The following TMPRSS5 variants were observed in gnomAD, a reference collection of about 807,000 sequenced individuals.
TMPRSS5 encodes the protein transmembrane protease serine 5.
In TMPRSS5, 45 loss-of-function variants were observed where a neutral mutation model predicts 59.7. The ratio of observed to expected loss-of-function variants is 0.75; its 90% CI spans 0.59 to 0.97. The LOEUF (loss-of-function observed/expected upper bound fraction) is 0.97, where lower values mean the gene tolerates loss of function less well. Among genes scored for constraint, TMPRSS5 ranks in the 50% least tolerant of loss-of-function variants. The probability of loss-of-function intolerance (pLI) is 0.00; values close to 1 mark genes in which losing one functional copy is unlikely to be tolerated. For synonymous variants in TMPRSS5, 225 were observed against 232.0 expected (o/e 0.97, Z 0.27); for missense variants, 585 against 596.7 (o/e 0.98, Z 0.20).
At chr11:113,702,007 T>C (rs902274989) in intron 1 of TMPRSS5, among the ~76,000 whole-genome samples, 1 of 152,094 alleles carries the variant, frequency 6.6e-6, no homozygotes, top group Admixed American at 6.6e-5. Flanking sequence ...CCCATGTCCA[T>C]GTATTCTCAC....
intron 8 of TMPRSS5, 113 bp from the exon 9 acceptor site, chr11:113,693,362 GC>G (rs1952840348): frequency 8.2e-7 from 1 of 1,223,064 alleles, no homozygotes; most frequent in Admixed American, 3.0e-5. Context: ...GGGGCCGTCA[GC>G]AGGCGGTGAG....
At chr11:113,692,817 T>C (rs1420256896) in intron 9 of TMPRSS5, among the ~76,000 whole-genome samples, 1 of 152,138 alleles carries the variant, frequency 6.6e-6, no homozygotes, top group African/African-American at 2.4e-5. Flanking sequence ...GCTTCAGACC[T>C]CAAGGCAAAG....
rs1173726664 is a variant in TMPRSS5, at chr11:113,706,265, G to A, written c.-41C>T. The A allele has an allele frequency of 6.3e-7, 1 of 1,596,824 alleles. No homozygotes were observed. The highest frequency in any genetic ancestry group is 8.5e-7 in the Non-Finnish European group (1 of 1,171,924). On this transcript the variant is annotated 5_prime_UTR_variant, in exon 1 of 13. Coordinates refer to ENST00000299882, the MANE Select transcript of TMPRSS5 (RefSeq NM_030770.4). ...TGTTGTAAAGCCTCAGGGTCTACTA[G>A]GCAATGTTCCGCTCCTGTTCTCAGG...
chr11:113,702,563 T>C (rs943251009), intron 1 of TMPRSS5, among the ~76,000 whole-genome samples: 2 of 152,202 alleles, frequency 1.3e-5, no homozygotes, highest in African/African-American at 4.8e-5. Flanking sequence ...AAGAGCTAAA[T>C]GTTAATCACC....
intron 11 of TMPRSS5, 81 bp from the exon 12 acceptor site, chr11:113,689,998 T>C (rs1952719994): frequency 7.1e-7 from 1 of 1,402,818 alleles, no homozygotes; most frequent in Non-Finnish European, 9.5e-7. Flanking sequence ...CTATGGCAAG[T>C]GGAATCTCCT....
chr11:113,695,567 G>T, intron 6 of TMPRSS5, 124 bp from the exon 7 acceptor site: 1 of 907,688 alleles, frequency 1.1e-6, no homozygotes, highest in Non-Finnish European at 1.8e-6. Context: ...CTGTCATGTA[G>T]CCACAGCCTG....
chr11:113,693,246 G>A lies in TMPRSS5; in HGVS notation c.789C>T (p.Phe263=). The A allele has an allele frequency of 6.4e-7, 1 of 1,559,778 alleles. No individual in the cohort carries two copies. ...VVTAAHCMHS[F]RLARLSSWRV... ...GCCAGCTGGACAGGCGGGCCAGCCT[G>A]AAACTGCACACAGGGGCCATGCTGA... The change falls in exon 9 of 13, where the codon TTC becomes TTT. Residue 263 remains phenylalanine, a synonymous_variant. Coordinates refer to ENST00000299882, the MANE Select transcript of TMPRSS5 (RefSeq NM_030770.4).
chr11:113,690,177 C>CGGG, intron 11 of TMPRSS5, 54 bp downstream of exon 11: 1 of 438,274 alleles, frequency 2.3e-6, no homozygotes, highest in Non-Finnish European at 4.2e-6. Context: ...AGGCCCCCTG[C>CGGG]CCTCCCACCC....
At chr11:113,698,183 G>C (rs1181122227) in intron 4 of TMPRSS5, among the ~76,000 whole-genome samples, 1 of 152,160 alleles carries the variant, frequency 6.6e-6, no homozygotes, top group East Asian at 1.9e-4. Context: ...TGGACTTCTA[G>C]CCACCAGAAC....
At chr11:113,697,096 G>T in intron 5 of TMPRSS5, 125 bp from the exon 6 acceptor site, 1 of 1,191,182 alleles carries the variant, frequency 8.4e-7, no homozygotes. Flanking sequence ...TTGTTAAAAA[G>T]CAGTAATACT....
At chr11:113,703,885 CTT>C (rs1953210438) in intron 1 of TMPRSS5, among the ~76,000 whole-genome samples, 2 of 152,236 alleles carry the variant, frequency 1.3e-5, no homozygotes, top group Admixed American at 1.3e-4. Flanking sequence ...AATTAAATCT[CTT>C]TCCTTTATAA....
intron 8 of TMPRSS5, 161 bp downstream of exon 8, chr11:113,694,317 G>C (rs1952865125): frequency 1.7e-6 from 1 of 601,414 alleles, no homozygotes; most frequent in South Asian, 2.5e-5. Flanking sequence ...GTGCAGATCT[G>C]TTCTTGATAC....
intron 9 of TMPRSS5, 32 bp downstream of exon 9, chr11:113,693,039 C>G (rs767282946): frequency 7.2e-7 from 1 of 1,390,120 alleles, no homozygotes; most frequent in Admixed American, 2.1e-5. Context: ...GCCATAGTCT[C>G]CAGCCTGCCC....
intron 10 of TMPRSS5, 101 bp from the exon 11 acceptor site, chr11:113,690,474 C>T (rs1369073335): frequency 1.6e-5 from 23 of 1,481,524 alleles, no homozygotes; most frequent in Middle Eastern, 1.8e-4. Context: ...ACAGGGAGAC[C>T]CAAAGAGGCG....
At chr11:113,700,909 T>C (rs1453167683) in intron 1 of TMPRSS5, among the ~76,000 whole-genome samples, 2 of 152,144 alleles carry the variant, frequency 1.3e-5, no homozygotes, top group African/African-American at 4.8e-5. Flanking sequence ...TTCCCAAATG[T>C]TGTTCTCATG....
intron 3 of TMPRSS5, among the ~76,000 whole-genome samples, chr11:113,699,365 T>A (rs554104957): frequency 2.4e-4 from 37 of 151,892 alleles, no homozygotes; most frequent in Admixed American, 2.1e-3. Flanking sequence ...TGTGTCTCTC[T>A]CACTGGGAAA....
Position 113,695,430 on chromosome 11 carries a change from A to T in TMPRSS5, c.592T>A (p.Ser198Thr), listed in dbSNP as rs200507601. Residue 198 changes from serine (S) to threonine (T), a missense_variant, in exon 7 of 13, where the codon TCT (serine) becomes ACT (threonine). Physicochemically the swap from Ser to Thr is moderately conservative, Grantham distance 58 (BLOSUM62 1). Coordinates refer to ENST00000299882, the MANE Select transcript of TMPRSS5 (RefSeq NM_030770.4). ...EAWQPRNNCT[S>T]GQVVSLRCSE... ...CATCTGAGGGAAACAACTTGACCAG[A>T]AGTGCAGTTGTTCCTGCAAAACAGA... 279 of 1,613,982 alleles carry T rather than the reference A, an allele frequency of 1.7e-4. 2 individuals are homozygous for T. In the African/African-American group the frequency reaches 3.2e-3, roughly 18 times the overall value.
Position 113,690,330 on chromosome 11 carries a change from G to C in TMPRSS5, c.1107C>G (p.Phe369Leu), listed in dbSNP as rs750782352. 3 of 1,603,800 alleles carry C rather than the reference G, an allele frequency of 1.9e-6. No homozygotes were observed. Among genetic ancestry groups the C allele is most frequent in the Non-Finnish European group, 1.7e-6 (2 of 1,176,052 alleles). Residue 369 changes from phenylalanine (F) to leucine (L), a missense_variant, in exon 11 of 13, where the codon TTC becomes TTG. Transcript: ENST00000299882. ...AAGAGCTGTTGCAGAGCTGAGTGCT[G>C]AACAAGGGCACCACCGTGTCCTGGA... Reference protein sequence around the residue: ...DMLQDTVVPLFSTQLCNSSCV... With the variant: ...DMLQDTVVPLLSTQLCNSSCV...
Position 113,699,029 on chromosome 11 carries a change from T to C in TMPRSS5, c.206-2A>G, listed in dbSNP as rs772528472. 7.4e-6 allele frequency: 12 copies of C among 1,611,294 alleles called. No individual in the cohort carries two copies. The African/African-American group carries it at 1.2e-4, about 16-fold the overall frequency. On this transcript the variant is annotated splice_acceptor_variant, in intron 3 of 12. Coordinates refer to ENST00000299882, the MANE Select transcript of TMPRSS5 (RefSeq NM_030770.4). LOFTEE classifies it high-confidence loss of function. ...AGGCAGCAGGACACAGATACAGCAC[T>C]TTAGAGAAGAACAAAGAGAAAGGGT...
Sources: allele counts gnomAD v4.1 joint callset (sites outside exome capture counted in the v4.1 genomes callset), GRCh38; gene constraint gnomAD v4.1.1; transcripts MANE v1.5; gene names NCBI Gene and HGNC (gene_info 2026-07-23, HGNC 2026-07-21).